PBX3: variants seen among roughly 807,000 people sequenced by gnomAD.
The protein encoded by PBX3 is PBX homeobox 3.
In PBX3, 14 loss-of-function variants were observed where a neutral mutation model predicts 48.5. That is an observed-to-expected ratio of 0.29 (90% confidence interval 0.19 to 0.45). The LOEUF (loss-of-function observed/expected upper bound fraction) is 0.45, where lower values mean the gene tolerates loss of function less well. PBX3 is among the 20% of genes least tolerant of loss of function. The pLI, the probability that PBX3 is intolerant of heterozygous loss-of-function variation, is 1.00. For missense variants in PBX3, 386 were observed against 546.7 expected, an observed-to-expected ratio of 0.71 and a Z score of 2.93; for synonymous variants, 210 against 200.3, an observed-to-expected ratio of 1.05 and a Z score of -0.41.
chr9:125,817,840 A>G (rs964424037), intron 2 of PBX3, among the ~76,000 whole-genome samples: 1 of 152,166 alleles, frequency 6.6e-6, no homozygotes, highest in African/African-American at 2.4e-5. Context: ...AATTCCTTGG[A>G]GATAAATTCT....
intron 2 of PBX3, among the ~76,000 whole-genome samples, chr9:125,793,364 AAAATATATATATAT>A (rs1466650339): frequency 1.7e-5 from 1 of 59,128 alleles, no homozygotes; most frequent in African/African-American, 5.4e-5. Context: ...GGGGAAAAAA[AAAATATATATATAT>A]ATATATATAT....
intron 2 of PBX3, among the ~76,000 whole-genome samples, chr9:125,896,255 T>TA (rs1223069981): frequency 1.3e-5 from 2 of 152,034 alleles, no homozygotes; most frequent in African/African-American, 4.8e-5. Flanking sequence ...CTTATGTACC[T>TA]ATTTCACAGA....
At chr9:125,921,092 A>G (rs1841447324) in intron 3 of PBX3, among the ~76,000 whole-genome samples, 2 of 152,216 alleles carry the variant, frequency 1.3e-5, no homozygotes, top group South Asian at 4.1e-4. Context: ...AGACAAAAGG[A>G]TACTACCTGA....
intron 2 of PBX3, among the ~76,000 whole-genome samples, chr9:125,870,469 C>T (rs1050490171): frequency 1.3e-5 from 2 of 151,464 alleles, no homozygotes; most frequent in African/African-American, 2.4e-5. Flanking sequence ...CAGAGCTAGA[C>T]ACTGTCAAAC....
intron 2 of PBX3, among the ~76,000 whole-genome samples, chr9:125,856,724 A>C (rs190311773): frequency 6.6e-6 from 1 of 152,342 alleles, no homozygotes; most frequent in East Asian, 1.9e-4. Context: ...TAGTGTCAGA[A>C]TTTGGGAATG....
At chr9:125,934,073 AT>A (rs1463547401) in intron 4 of PBX3, among the ~76,000 whole-genome samples, 1 of 152,084 alleles carries the variant, frequency 6.6e-6, no homozygotes, top group East Asian at 1.9e-4. Flanking sequence ...AATCCTGTTG[AT>A]TTTAATCCCC....
intron 5 of PBX3, among the ~76,000 whole-genome samples, chr9:125,956,707 A>T (rs1429634874): frequency 6.6e-6 from 1 of 152,188 alleles, no homozygotes; most frequent in African/African-American, 2.4e-5. Flanking sequence ...AAATTCTTCC[A>T]TGGCCCTTTG....
chr9:125,881,229 A>G (rs537876913), intron 2 of PBX3, among the ~76,000 whole-genome samples: 39 of 152,364 alleles, frequency 2.6e-4, no homozygotes, highest in African/African-American at 7.9e-4. Context: ...AGCCAGATCA[A>G]GGGACTTGGG....
chr9:125,868,108 C>T (rs1218084186), intron 2 of PBX3, among the ~76,000 whole-genome samples: 1 of 151,848 alleles, frequency 6.6e-6, no homozygotes, highest in Admixed American at 6.6e-5. Flanking sequence ...CTCCTTAACT[C>T]AAGTGATCTG....
At chr9:125,800,169 A>G (rs2132090794) in intron 2 of PBX3, among the ~76,000 whole-genome samples, 1 of 152,328 alleles carries the variant, frequency 6.6e-6, no homozygotes, top group South Asian at 2.1e-4. Context: ...CTGATCTGAT[A>G]GAGAGATGTT....
intron 2 of PBX3, among the ~76,000 whole-genome samples, chr9:125,810,365 A>AGT (rs113025234): frequency 0.14 from 20,535 of 145,408 alleles, 2,056 homozygotes; most frequent in African/African-American, 0.3. Flanking sequence ...AGCAGGAATG[A>AGT]GTGTGTGTGT....
At chr9:125,776,629 G>A (rs184625441) in intron 2 of PBX3, among the ~76,000 whole-genome samples, 1 of 152,188 alleles carries the variant, frequency 6.6e-6, no homozygotes, top group African/African-American at 2.4e-5. Context: ...TCTGCCCCCC[G>A]GGCTCAAGTG....
At chr9:125,808,480 A>C (rs772288889) in intron 2 of PBX3, among the ~76,000 whole-genome samples, 39 of 152,136 alleles carry the variant, frequency 2.6e-4, no homozygotes, top group Non-Finnish European at 4.6e-4. Flanking sequence ...ATTTGAGACC[A>C]CCCTGGGGAC....
At chr9:125,885,570 C>G (rs939449918) in intron 2 of PBX3, among the ~76,000 whole-genome samples, 1 of 151,998 alleles carries the variant, frequency 6.6e-6, no homozygotes, top group Non-Finnish European at 1.5e-5. Context: ...GCTAGCAGGG[C>G]GACAGTTTAA....
In PBX3 at chr9:125,966,571, C is replaced by T. The variant is rs1482082960; in HGVS notation, c.*648C>T. 2 of 152,628 alleles carry T rather than the reference C, an allele frequency of 1.3e-5. No individual in the cohort carries two copies. The highest frequency in any genetic ancestry group is 6.5e-5 in the Admixed American group (1 of 15,288). The allele number at this position is 152,628 out of a possible 1,614,324, so 9.5% of individuals were successfully genotyped here. On this transcript the variant is annotated 3_prime_UTR_variant, in exon 9 of 9. Coordinates refer to ENST00000373489, the MANE Select transcript of PBX3 (RefSeq NM_006195.6). ...TATGGATCCAGATTGTTCTGAGAGA[C>T]GAAGATACTTGCTGCTGATAGAGGT...
At chr9:125,874,086 T>C (rs951112948) in intron 2 of PBX3, among the ~76,000 whole-genome samples, 1 of 152,200 alleles carries the variant, frequency 6.6e-6, no homozygotes, top group Non-Finnish European at 1.5e-5. Context: ...GTCAATACAT[T>C]TGACATCTTA....
chr9:125,774,840 T>C (rs1344432054), intron 2 of PBX3, among the ~76,000 whole-genome samples: 1 of 152,136 alleles, frequency 6.6e-6, no homozygotes, highest in African/African-American at 2.4e-5. Context: ...GTCTATCATT[T>C]TACATCCCCA....
At position 125,886,955 on chromosome 9, in the gene PBX3, G is replaced by C. The variant is rs554738495; in HGVS notation, c.275-28731G>C. 3.9e-5 allele frequency among the ~76,000 whole-genome samples: 6 copies of C among 152,180 alleles called. No homozygotes were observed. In the South Asian group the frequency reaches 1.2e-3, roughly 32 times the overall value. On this transcript the variant is annotated intron_variant, in intron 2 of 8. Transcript: ENST00000373489. ...CTATACAGCAGTTCATATAATAAAAGTTTTTAATTTTTTTGGTGGACAAAT... is the reference window on the plus strand; with the variant it reads ...CTATACAGCAGTTCATATAATAAAACTTTTTAATTTTTTTGGTGGACAAAT...
rs75082836 is a variant in PBX3 at position 125,750,747 on chromosome 9, A to G, written c.274+2124A>G. Among the ~76,000 whole-genome samples, 35 of 152,330 alleles carry G rather than the reference A, an allele frequency of 2.3e-4. No homozygotes were observed. The East Asian group carries it at 5.6e-3, about 24-fold the overall frequency. ...TTTTGTAAAAAGCCAACAGCCGACA[A>G]AGAGTAAAGGCGGCTGTCTGGGTAG... is the stretch of plus-strand genomic sequence containing the variant. On this transcript the variant is annotated intron_variant, in intron 2 of 8. Transcript: ENST00000373489.
Sources: gnomAD v4.1 joint callset for allele counts (sites outside exome capture counted in the v4.1 genomes callset) on GRCh38, gnomAD v4.1.1 for gene constraint, MANE v1.5 for transcripts, NCBI Gene and HGNC (gene_info 2026-07-23, HGNC 2026-07-21) for gene names.